The following ADCY10 variants were observed in gnomAD, a reference collection of about 807,000 sequenced individuals.
ADCY10 encodes the protein adenylate cyclase 10.
ADCY10 carries 156 observed loss-of-function variants against 183.3 expected under a neutral mutation model. The ratio of observed to expected loss-of-function variants is 0.85; its 90% confidence interval spans 0.75 to 0.97. ADCY10 has a LOEUF of 0.97. Ranked by LOEUF, ADCY10 falls within the 50% of genes least tolerant of loss-of-function variation. The pLI, the probability that ADCY10 is intolerant of heterozygous loss-of-function variation, is 0.00. For missense variants in ADCY10, 1,745 were observed against 1,934.3 expected (o/e 0.90, Z 1.84); for synonymous variants, 645 against 670.0 (o/e 0.96, Z 0.58).
intron 29 of ADCY10, 112 bp from the exon 30 acceptor site, chr1:167,822,253 T>A (rs1662959922): frequency 2.5e-6 from 2 of 815,222 alleles, no homozygotes; most frequent in African/African-American, 3.3e-5. Context: ...CTCTGATTAT[T>A]GTATGAATCC....
intron 26 of ADCY10, 51 bp from the exon 27 acceptor site, chr1:167,824,906 T>G: frequency 6.6e-7 from 1 of 1,507,346 alleles, no homozygotes; most frequent in Non-Finnish European, 9.2e-7. Flanking sequence ...AGCAGAAAGC[T>G]CAGGAACATC....
chr1:167,897,662 C>A (rs374786703), intron 6 of ADCY10, among the ~76,000 whole-genome samples: 2,430 of 2,430 alleles, frequency 1, 1,215 homozygotes, highest in Non-Finnish European at 1. Context: ...GACAACGGAA[C>A]CACTGAAGTG....
intron 26 of ADCY10, 23 bp from the exon 27 acceptor site, chr1:167,824,878 G>A (rs772170457): frequency 6.2e-7 from 1 of 1,606,424 alleles, no homozygotes; most frequent in Non-Finnish European, 8.5e-7. Flanking sequence ...AGTGGAGGAA[G>A]AGTGAGGCAG....
intron 14 of ADCY10, among the ~76,000 whole-genome samples, chr1:167,868,194 T>G (rs203813): frequency 6.6e-6 from 1 of 152,094 alleles, no homozygotes; most frequent in African/African-American, 2.4e-5. Context: ...GCCGAGCATG[T>G]AGCCCAGTCT....
intron 30 of ADCY10, chr1:167,820,296 G>A (rs924570794): frequency 7.7e-7 from 1 of 1,298,740 alleles, no homozygotes; most frequent in Non-Finnish European, 1.0e-6. Flanking sequence ...CGGCCGCCTA[G>A]CCAAGTCTCT....
chr1:167,898,024 A>T (rs868558693), intron 6 of ADCY10, among the ~76,000 whole-genome samples: 3,436 of 120,456 alleles, frequency 0.029, 263 homozygotes, highest in Non-Finnish European at 0.036. Context: ...AAAAAAAAAA[A>T]ATCAACAAAA....
At chr1:167,811,928 T>C (rs1662235005) in intron 31 of ADCY10, among the ~76,000 whole-genome samples, 1 of 152,212 alleles carries the variant, frequency 6.6e-6, no homozygotes, top group Admixed American at 6.5e-5. Context: ...GTAACTATTT[T>C]AGAACTCTGG....
At chr1:167,893,483 C>T (rs1481323904) in intron 8 of ADCY10, among the ~76,000 whole-genome samples, 2 of 151,890 alleles carry the variant, frequency 1.3e-5, no homozygotes, top group African/African-American at 4.8e-5. Flanking sequence ...GAGGGTGAGG[C>T]GGGCAGATTT....
chr1:167,838,085 T>C (rs1304307957), intron 21 of ADCY10, among the ~76,000 whole-genome samples: 2 of 152,258 alleles, frequency 1.3e-5, no homozygotes, highest in Non-Finnish European at 2.9e-5. Context: ...TTAGGTTTTC[T>C]GGCTCCCAGG....
chr1:167,864,816 C>G (rs1268779970), intron 14 of ADCY10, among the ~76,000 whole-genome samples: 2 of 151,338 alleles, frequency 1.3e-5, no homozygotes, highest in Non-Finnish European at 2.9e-5. Flanking sequence ...TGAGGCCTTC[C>G]TATCAAAAAT....
intron 30 of ADCY10, chr1:167,820,398 G>C (rs879852417): frequency 1.5e-4 from 83 of 539,394 alleles, no homozygotes; most frequent in Non-Finnish European, 2.3e-4. Context: ...TCAGCACCCC[G>C]AGAGCTGGCC....
chr1:167,907,958 G>C lies in ADCY10; in HGVS notation c.-58-2760C>G, dbSNP rs914727284. 5.3e-5 allele frequency among the ~76,000 whole-genome samples: 8 copies of C among 152,276 alleles called. No individual in the cohort carries two copies. The South Asian group carries it at 1.4e-3, about 28-fold the overall frequency. ...CTCCATGGGCACGATAGAAGACTTT[G>C]ATAAAGATATAATTGAAAGTACGGC... On this transcript the variant is annotated intron_variant, in intron 1 of 32. Coordinates refer to ENST00000367851, the MANE Select transcript of ADCY10 (RefSeq NM_018417.6).
chr1:167,856,464 G>C (rs752262263), intron 16 of ADCY10, 25 bp from the exon 17 acceptor site: 1 of 1,613,510 alleles, frequency 6.2e-7, no homozygotes. Flanking sequence ...GAAAGAGAAA[G>C]AGAAACACCA....
At chr1:167,882,382 G>A (rs1306313220) in intron 9 of ADCY10, among the ~76,000 whole-genome samples, 1 of 151,550 alleles carries the variant, frequency 6.6e-6, no homozygotes, top group African/African-American at 2.4e-5. Context: ...CTACTCAGGA[G>A]GCTGAGTCAA....
chr1:167,827,676 C>T (rs1663409123), intron 26 of ADCY10, among the ~76,000 whole-genome samples: 1 of 151,280 alleles, frequency 6.6e-6, no homozygotes, highest in Non-Finnish European at 1.5e-5. Context: ...GAGGTCAAAG[C>T]TAGTTCCATA....
chr1:167,877,408 A>G (rs977860095), intron 12 of ADCY10, among the ~76,000 whole-genome samples: 2 of 151,816 alleles, frequency 1.3e-5, no homozygotes, highest in African/African-American at 4.8e-5. Flanking sequence ...TGAAGGGAAT[A>G]ATAAAGACAC....
chr1:167,873,006 G>T (rs1480110834), intron 13 of ADCY10, among the ~76,000 whole-genome samples: 1 of 151,854 alleles, frequency 6.6e-6, no homozygotes, highest in African/African-American at 2.4e-5. Flanking sequence ...GGACGCAGAG[G>T]TTGTAGTGAG....
At chr1:167,912,725 C>T (rs1670229682) in intron 1 of ADCY10, among the ~76,000 whole-genome samples, 1 of 152,216 alleles carries the variant, frequency 6.6e-6, no homozygotes, top group Admixed American at 6.5e-5. Flanking sequence ...AATCACTCCA[C>T]ATGTGTCTGT....
intron 8 of ADCY10, among the ~76,000 whole-genome samples, chr1:167,888,419 T>G (rs529771503): frequency 3.5e-4 from 54 of 152,346 alleles, no homozygotes; most frequent in African/African-American, 1.0e-3. Flanking sequence ...CATTTTTTTT[T>G]TGTGGCCTCT....
Sources: gnomAD v4.1 joint callset for allele counts (sites outside exome capture counted in the v4.1 genomes callset) on GRCh38, gnomAD v4.1.1 for gene constraint, MANE v1.5 for transcripts, NCBI Gene and HGNC (gene_info 2026-07-23, HGNC 2026-07-21) for gene names.